The following CEP83 variants were observed in gnomAD, a reference collection of about 807,000 sequenced individuals.
CEP83 encodes the protein centrosomal protein of 83 kDa.
Under a neutral mutation model 101.9 loss-of-function variants are expected in CEP83, and 70 were observed. That is an observed-to-expected ratio of 0.69 (90% CI 0.57 to 0.84). The LOEUF (loss-of-function observed/expected upper bound fraction) is 0.84, where lower values mean the gene tolerates loss of function less well. Among genes scored for constraint, CEP83 ranks in the 40% least tolerant of loss-of-function variants. The probability of loss-of-function intolerance (pLI) is 0.00; values close to 1 mark genes in which losing one functional copy is unlikely to be tolerated. For missense variants in CEP83, 715 were observed against 787.2 expected, an observed-to-expected ratio of 0.91 and a Z score of 1.10; for synonymous variants, 264 against 267.9, an observed-to-expected ratio of 0.99 and a Z score of 0.14.
chr12:94,447,782 A>G (rs527596750), intron 1 of CEP83, among the ~76,000 whole-genome samples: 2 of 152,208 alleles, frequency 1.3e-5, no homozygotes, highest in East Asian at 3.9e-4. Context: ...TCTGAAGGAG[A>G]CTGTAATTAA....
intron 11 of CEP83, among the ~76,000 whole-genome samples, chr12:94,362,774 T>C (rs2060834563): frequency 6.6e-6 from 1 of 152,232 alleles, no homozygotes; most frequent in Non-Finnish European, 1.5e-5. Flanking sequence ...GTAAGCAAGA[T>C]ATGGAATCAA....
intron 1 of CEP83, among the ~76,000 whole-genome samples, chr12:94,453,580 A>T (rs1566256054): frequency 6.6e-6 from 1 of 152,210 alleles, no homozygotes; most frequent in African/African-American, 2.4e-5. Context: ...TCTTATTCAC[A>T]ATCTCCCCAG....
chr12:94,297,498 A>C, the CEP83 span: 1 of 1,031,724 alleles, frequency 9.7e-7, no homozygotes, highest in Non-Finnish European at 1.5e-6. Flanking sequence ...TTTCCACTGA[A>C]GTGTGAAAAT....
intron 2 of CEP83, among the ~76,000 whole-genome samples, chr12:94,422,911 T>C (rs1401021075): frequency 1.3e-5 from 2 of 152,228 alleles, no homozygotes; most frequent in Non-Finnish European, 2.9e-5. Flanking sequence ...ATGAATATTC[T>C]TGTACAAGAC....
At chr12:94,457,994 C>T (rs1952371169) in intron 1 of CEP83, among the ~76,000 whole-genome samples, 1 of 151,660 alleles carries the variant, frequency 6.6e-6, no homozygotes, top group South Asian at 2.1e-4. Context: ...GTCAGGAGTT[C>T]GTGACCAGCC....
intron 11 of CEP83, among the ~76,000 whole-genome samples, chr12:94,357,956 A>T (rs941791480): frequency 6.6e-6 from 1 of 152,246 alleles, no homozygotes; most frequent in African/African-American, 2.4e-5. Context: ...AAAGCAGCTT[A>T]CTGGGTAAAT....
At chr12:94,278,847 AAT>A in the CEP83 span, among the ~76,000 whole-genome samples, 2 of 152,070 alleles carry the variant, frequency 1.3e-5, no homozygotes, top group African/African-American at 4.8e-5. Flanking sequence ...AAAATACAAA[AAT>A]TAGCCAGGCA....
intron 2 of CEP83, among the ~76,000 whole-genome samples, chr12:94,414,850 A>C (rs1485809104): frequency 6.6e-6 from 1 of 152,200 alleles, no homozygotes; most frequent in Non-Finnish European, 1.5e-5. Context: ...TCTTTATAAA[A>C]TGTTGATATG....
At chr12:94,455,011 A>C (rs968219047) in intron 1 of CEP83, among the ~76,000 whole-genome samples, 1 of 151,800 alleles carries the variant, frequency 6.6e-6, no homozygotes, top group African/African-American at 2.4e-5. Flanking sequence ...ACATCTGAAC[A>C]TCTGAAGGAA....
At chr12:94,433,763 C>G (rs1386781425) in intron 2 of CEP83, among the ~76,000 whole-genome samples, 1 of 151,852 alleles carries the variant, frequency 6.6e-6, no homozygotes, top group East Asian at 1.9e-4. Context: ...ATACCCATCC[C>G]CCAGCAAAAA....
At chr12:94,451,565 T>C (rs1033005601) in intron 1 of CEP83, among the ~76,000 whole-genome samples, 4 of 150,874 alleles carry the variant, frequency 2.7e-5, no homozygotes, top group South Asian at 4.2e-4. Context: ...GTGTCCAACA[T>C]TACTGTGCAG....
chr12:94,297,106 G>A, the CEP83 span: 8 of 1,326,782 alleles, frequency 6.0e-6, no homozygotes, highest in Non-Finnish European at 8.7e-6. Context: ...CAGCACAAAT[G>A]GGGCCTTTTA....
At chr12:94,309,748 T>C (rs998405081) in intron 16 of CEP83, among the ~76,000 whole-genome samples, 170 bp downstream of exon 16, 5 of 152,194 alleles carry the variant, frequency 3.3e-5, no homozygotes, top group African/African-American at 4.8e-5. Flanking sequence ...CAAATTTCTA[T>C]GCTAAATGAA....
chr12:94,308,862 T>G lies in CEP83; in HGVS notation c.2057A>C (p.Glu686Ala). 6.2e-7 allele frequency: 1 copy of G among 1,613,122 alleles called. No individual in the cohort carries two copies. The highest frequency in any genetic ancestry group is 8.5e-7 in the Non-Finnish European group (1 of 1,179,226). ...SLLRKRLEEL[E>A]TTQRKQLEEL... ...CTCTAGTTGTTTTCTTTGTGTTGTT[T>G]CCAGTTCTTCTAGTCTTTTGCGAAG... The change falls in exon 17 of 17, where the codon GAA becomes GCA. Residue 686 changes from glutamate to alanine, a missense_variant. Glu to Ala is a moderately radical substitution (Grantham distance 107, BLOSUM62 -1). Transcript: ENST00000397809.
rs535965492 is a variant in CEP83 at position 94,440,661 on chromosome 12, T to C, written c.-154-5334A>G. On this transcript the variant is annotated intron_variant, in intron 1 of 16. Transcript: ENST00000397809. ...TGCAATTCCCATCAAAATACCACCA[T>C]CGTTCTTCACAGATCTAGAAAAAAA... Among the ~76,000 whole-genome samples the C allele has an allele frequency of 2.0e-5, 3 of 151,806 alleles. No homozygotes were observed. The East Asian group carries it at 5.8e-4, about 29-fold the overall frequency.
intron 1 of CEP83, among the ~76,000 whole-genome samples, chr12:94,448,720 T>C (rs1174399558): frequency 6.6e-6 from 1 of 152,134 alleles, no homozygotes; most frequent in Non-Finnish European, 1.5e-5. Flanking sequence ...TTTTAAAATA[T>C]ATTTCGAATT....
the CEP83 span, chr12:94,278,118 G>T: frequency 8.9e-6 from 4 of 447,892 alleles, no homozygotes; most frequent in African/African-American, 8.2e-5. Context: ...CTTCCTTCTT[G>T]CCTGTTAGAC....
chr12:94,312,758 G>A (rs1207432161), intron 15 of CEP83, 156 bp downstream of exon 15: 1 of 981,938 alleles, frequency 1.0e-6, no homozygotes, highest in Non-Finnish European at 1.2e-6. Flanking sequence ...TTCAGTTAGG[G>A]GGTAAAAAAA....
intron 9 of CEP83, chr12:94,368,748 C>T (rs2061145885): frequency 6.6e-6 from 1 of 152,196 alleles, no homozygotes; most frequent in African/African-American, 2.4e-5. Context: ...AGCAAATTCA[C>T]ATCTAACTCA....
Sources: gnomAD v4.1 joint callset for allele counts (sites outside exome capture counted in the v4.1 genomes callset) on GRCh38, gnomAD v4.1.1 for gene constraint, MANE v1.5 for transcripts, NCBI Gene and HGNC (gene_info 2026-07-23, HGNC 2026-07-21) for gene names.